CLXN: variants seen among roughly 807,000 people sequenced by gnomAD.
The protein encoded by CLXN is EF-hand calcium binding domain 1.
the CLXN span, among the ~76,000 whole-genome samples, chr8:48,713,007 A>G: frequency 6.6e-6 from 1 of 151,704 alleles, no homozygotes; most frequent in Non-Finnish European, 1.5e-5. Context: ...AAAAAAAAAA[A>G]AAGAAAGAAA....
At chr8:48,731,389 T>C in the CLXN span, 6 of 1,613,402 alleles carry the variant, frequency 3.7e-6, no homozygotes, top group African/African-American at 5.3e-5. Context: ...AAATGTCACA[T>C]GCAGGATGTT....
At chr8:48,727,928 C>G in the CLXN span, among the ~76,000 whole-genome samples, 1 of 152,036 alleles carries the variant, frequency 6.6e-6, no homozygotes, top group African/African-American at 2.4e-5. Context: ...TTAAAGATGG[C>G]CCCTAGGTTT....
At chr8:48,726,115 CAT>C in the CLXN span, among the ~76,000 whole-genome samples, 1 of 42,990 alleles carries the variant, frequency 2.3e-5, no homozygotes, top group African/African-American at 4.8e-5. Context: ...CCACCCACTC[CAT>C]CCATCCATCC....
At chr8:48,724,696 G>A in the CLXN span, 1 of 1,477,142 alleles carries the variant, frequency 6.8e-7, no homozygotes. Flanking sequence ...CAATATGTGT[G>A]TGCCTCCTTT....
At chr8:48,726,690 C>T in the CLXN span, among the ~76,000 whole-genome samples, 3 of 131,550 alleles carry the variant, frequency 2.3e-5, no homozygotes, top group Admixed American at 7.6e-5. Context: ...CATCCATCCA[C>T]CCATCCATCT....
the CLXN span, among the ~76,000 whole-genome samples, chr8:48,717,803 G>C: frequency 1.1e-4 from 17 of 152,138 alleles, no homozygotes; most frequent in Non-Finnish European, 2.2e-4. Flanking sequence ...AAGGTAAATT[G>C]TTATCAACTT....
chr8:48,729,065 CA>C, the CLXN span: 1 of 1,612,358 alleles, frequency 6.2e-7, no homozygotes, highest in Non-Finnish European at 8.5e-7. Context: ...AGACATGGCC[CA>C]AAGGCCTCCA....
At chr8:48,730,792 A>ATTTCCTCTTT in the CLXN span, 1 of 467,848 alleles carries the variant, frequency 2.1e-6, no homozygotes, top group African/African-American at 2.0e-5. Flanking sequence ...GGAAACTAAG[A>ATTTCCTCTTT]CATCATAATA....
At chr8:48,725,378 T>A in the CLXN span, among the ~76,000 whole-genome samples, 1 of 152,224 alleles carries the variant, frequency 6.6e-6, no homozygotes, top group Non-Finnish European at 1.5e-5. Context: ...AGCTAGGTTT[T>A]AAGAAGGAAA....
At chr8:48,723,173 G>T in the CLXN span, among the ~76,000 whole-genome samples, 2 of 152,170 alleles carry the variant, frequency 1.3e-5, no homozygotes, top group African/African-American at 4.8e-5. Context: ...ACTGTGTGAG[G>T]TGGTGTATGT....
the CLXN span, among the ~76,000 whole-genome samples, chr8:48,732,683 C>A: frequency 6.6e-6 from 1 of 152,102 alleles, no homozygotes. Context: ...ATAGTGTCAT[C>A]ATTCACAACA....
chr8:48,734,301 A>G, the CLXN span, among the ~76,000 whole-genome samples: 1 of 152,228 alleles, frequency 6.6e-6, no homozygotes, highest in Non-Finnish European at 1.5e-5. Flanking sequence ...ACAGGAAATT[A>G]TCTTCCTCAT....
the CLXN span, chr8:48,730,683 TAA>T: frequency 2.3e-6 from 3 of 1,289,824 alleles, no homozygotes; most frequent in South Asian, 3.8e-5. Context: ...CTGTCCTGCA[TAA>T]TAACTCTCAG....
At chr8:48,724,688 A>G in the CLXN span, 1 of 1,430,658 alleles carries the variant, frequency 7.0e-7, no homozygotes, top group East Asian at 2.3e-5. Context: ...AAAATAAGCA[A>G]TATGTGTGTG....
chr8:48,725,775 G>A, the CLXN span, among the ~76,000 whole-genome samples: 1 of 151,898 alleles, frequency 6.6e-6, no homozygotes, highest in Non-Finnish European at 1.5e-5. Flanking sequence ...TTGCACTGCA[G>A]CCTGGGCAAC....
chr8:48,725,610 C>T, the CLXN span, among the ~76,000 whole-genome samples: 1 of 152,004 alleles, frequency 6.6e-6, no homozygotes, highest in Non-Finnish European at 1.5e-5. Context: ...TCGAGACCAG[C>T]CTGACCAACA....
chr8:48,715,254 T>A, the CLXN span: 1 of 152,168 alleles, frequency 6.6e-6, no homozygotes, highest in Non-Finnish European at 1.5e-5. Flanking sequence ...GTTAAAATAT[T>A]AAAAGCAGGC....
the CLXN span, among the ~76,000 whole-genome samples, chr8:48,725,490 G>T: frequency 0.11 from 16,979 of 152,054 alleles, 2,952 homozygotes; most frequent in African/African-American, 0.37. Flanking sequence ...TTTCAGATGG[G>T]ACAGTTTTGA....
chr8:48,730,900 T>A, the CLXN span, among the ~76,000 whole-genome samples: 3 of 152,272 alleles, frequency 2.0e-5, no homozygotes, highest in African/African-American at 7.2e-5. Context: ...TATTTAATAA[T>A]AAATATGTTG....
Sources: allele counts gnomAD v4.1 joint callset (sites outside exome capture counted in the v4.1 genomes callset), GRCh38; gene constraint gnomAD v4.1.1; transcripts MANE v1.5; gene names NCBI Gene and HGNC (gene_info 2026-07-23, HGNC 2026-07-21).